The following NRXN3 variants were observed in gnomAD, a reference collection of about 807,000 sequenced individuals.
NRXN3 encodes neurexin III.
In NRXN3, 32 loss-of-function variants were observed where a neutral mutation model predicts 137.6. The ratio of observed to expected loss-of-function variants is 0.23; its 90% CI spans 0.18 to 0.31. The LOEUF is 0.31. NRXN3 is among the 10% of genes least tolerant of loss of function. The probability of loss-of-function intolerance (pLI) is 1.00; values close to 1 mark genes in which losing one functional copy is unlikely to be tolerated. For missense variants in NRXN3, 1,574 were observed against 2,062.5 expected, an observed-to-expected ratio of 0.76 and a Z score of 4.59; for synonymous variants, 798 against 784.5, an observed-to-expected ratio of 1.02 and a Z score of -0.29.
chr14:79,629,892 CT>C (rs1482197513), intron 16 of NRXN3, among the ~76,000 whole-genome samples: 1 of 151,836 alleles, frequency 6.6e-6, no homozygotes, highest in African/African-American at 2.4e-5. Flanking sequence ...GCCCTTTCCC[CT>C]GATAGAAATT....
chr14:79,688,863 T>A (rs575362461), intron 17 of NRXN3, among the ~76,000 whole-genome samples: 1 of 152,250 alleles, frequency 6.6e-6, no homozygotes, highest in East Asian at 1.9e-4. Flanking sequence ...ATGTTCTCAA[T>A]CCCTTATCAA....
chr14:78,325,944 A>G (rs1308531342), intron 4 of NRXN3, among the ~76,000 whole-genome samples: 1 of 152,136 alleles, frequency 6.6e-6, no homozygotes, highest in Non-Finnish European at 1.5e-5. Context: ...TTACCCAGCA[A>G]TTGCCATCCT....
chr14:78,453,269 G>T (rs1442280611), intron 4 of NRXN3, among the ~76,000 whole-genome samples: 1 of 152,210 alleles, frequency 6.6e-6, no homozygotes, highest in African/African-American at 2.4e-5. Context: ...AAATTATATA[G>T]CATCTTATAT....
At chr14:78,842,062 T>C (rs1364886944) in intron 10 of NRXN3, among the ~76,000 whole-genome samples, 1 of 152,134 alleles carries the variant, frequency 6.6e-6, no homozygotes, top group African/African-American at 2.4e-5. Context: ...ATCAAATATT[T>C]TCTACAGATT....
intron 4 of NRXN3, among the ~76,000 whole-genome samples, chr14:78,619,108 C>T (rs1197207086): frequency 6.6e-6 from 1 of 152,152 alleles, no homozygotes; most frequent in Non-Finnish European, 1.5e-5. Context: ...AGTCAGAAGT[C>T]TTTGCCTGCT....
At chr14:79,721,361 T>C (rs2098843877) in intron 19 of NRXN3, among the ~76,000 whole-genome samples, 1 of 152,118 alleles carries the variant, frequency 6.6e-6, no homozygotes, top group South Asian at 2.1e-4. Context: ...AACAAAACGT[T>C]GGAGTGCACA....
At chr14:79,227,739 C>CTCCTTCCTTCCTTCCTTCCTTCCT (rs745869619) in intron 15 of NRXN3, among the ~76,000 whole-genome samples, 60 of 63,814 alleles carry the variant, frequency 9.4e-4, no homozygotes, top group East Asian at 4.0e-3. Flanking sequence ...TCTCCTTTCT[C>CTCCTTCCTTCCTTCCTTCCTTCCT]TCCTTCCTTC....
intron 4 of NRXN3, among the ~76,000 whole-genome samples, chr14:78,637,019 G>A (rs1056353510): frequency 6.6e-6 from 1 of 152,068 alleles, no homozygotes. Flanking sequence ...TCTTAGGAAT[G>A]TCTCCTGGCT....
chr14:78,943,890 T>G (rs1468970778), intron 10 of NRXN3, among the ~76,000 whole-genome samples: 1 of 151,064 alleles, frequency 6.6e-6, no homozygotes, highest in South Asian at 2.1e-4. Flanking sequence ...TCCAATCTGG[T>G]TGGGGATATG....
chr14:79,291,243 CT>C (rs2083144311), intron 15 of NRXN3, among the ~76,000 whole-genome samples: 1 of 152,100 alleles, frequency 6.6e-6, no homozygotes, highest in Non-Finnish European at 1.5e-5. Flanking sequence ...ATAACATCTA[CT>C]TTGGTTTTTA....
chr14:78,290,074 C>T (rs1432294306), intron 3 of NRXN3, among the ~76,000 whole-genome samples: 1 of 152,140 alleles, frequency 6.6e-6, no homozygotes, highest in African/African-American at 2.4e-5. Context: ...GGAATTAATA[C>T]TCCACTTGAC....
At chr14:78,536,434 G>T (rs1325518431) in intron 4 of NRXN3, among the ~76,000 whole-genome samples, 3 of 152,110 alleles carry the variant, frequency 2.0e-5, no homozygotes, top group African/African-American at 7.2e-5. Context: ...AAGGCATGGG[G>T]CTACTCTAGT....
intron 8 of NRXN3, among the ~76,000 whole-genome samples, chr14:78,800,202 T>G (rs2098834487): frequency 6.6e-6 from 1 of 152,192 alleles, no homozygotes; most frequent in African/African-American, 2.4e-5. Flanking sequence ...TTGGCAGGAC[T>G]GTTAAGTATA....
chr14:78,236,112 A>G (rs2066262884), intron 1 of NRXN3, among the ~76,000 whole-genome samples: 1 of 152,230 alleles, frequency 6.6e-6, no homozygotes, highest in Admixed American at 6.5e-5. Flanking sequence ...AAGTGCATTA[A>G]GTTGCTTTTA....
intron 4 of NRXN3, among the ~76,000 whole-genome samples, chr14:78,571,685 GC>G: frequency 6.6e-6 from 1 of 152,206 alleles, no homozygotes; most frequent in Admixed American, 6.5e-5. Context: ...AATCTCACAT[GC>G]TTTTACCTAC....
At chr14:78,210,850 A>G (rs1311701341) in intron 1 of NRXN3, among the ~76,000 whole-genome samples, 1 of 150,614 alleles carries the variant, frequency 6.6e-6, no homozygotes, top group Non-Finnish European at 1.5e-5. Flanking sequence ...TTGTCGAGCA[A>G]ATCGTTTTTT....
intron 6 of NRXN3, among the ~76,000 whole-genome samples, chr14:78,657,385 C>T (rs1025955076): frequency 3.3e-5 from 5 of 152,194 alleles, no homozygotes; most frequent in African/African-American, 7.2e-5. Context: ...TCCACACCAT[C>T]CTCTTTTCTC....
intron 19 of NRXN3, among the ~76,000 whole-genome samples, chr14:79,702,526 C>A (rs892357735): frequency 1.6e-4 from 24 of 151,836 alleles, no homozygotes; most frequent in Non-Finnish European, 3.2e-4. Flanking sequence ...AAATGTCAGC[C>A]AGAAGCTAAG....
At chr14:79,703,675 T>A (rs1019171054) in intron 19 of NRXN3, among the ~76,000 whole-genome samples, 5 of 151,572 alleles carry the variant, frequency 3.3e-5, no homozygotes, top group African/African-American at 1.2e-4. Context: ...CCTCTACATG[T>A]GCGGATTATA....
Sources: allele counts gnomAD v4.1 joint callset (sites outside exome capture counted in the v4.1 genomes callset), GRCh38; gene constraint gnomAD v4.1.1; transcripts MANE v1.5; gene names NCBI Gene and HGNC (gene_info 2026-07-23, HGNC 2026-07-21).